The following SYNE1 variants were observed in gnomAD, a reference collection of about 807,000 sequenced individuals.
SYNE1 encodes nesprin-1.
A neutral mutation model predicts 1,111.0 loss-of-function variants in SYNE1; 616 were observed. The ratio of observed to expected loss-of-function variants is 0.55; its 90% confidence interval spans 0.52 to 0.59. The LOEUF is 0.59. Among genes scored for constraint, SYNE1 ranks in the 20% least tolerant of loss-of-function variants. The pLI, the probability that SYNE1 is intolerant of heterozygous loss-of-function variation, is 0.00. For synonymous variants in SYNE1, 3,855 were observed against 3,825.8 expected (o/e 1.01, Z -0.28); for missense variants, 10,006 against 10,417.0 (o/e 0.96, Z 1.72).
rs772333606 is a variant in SYNE1, at chr6:152,326,420, C to T, written c.15169G>A (p.Ala5057Thr). ...SNLEELHSLV[A>T]TLDPLIKPTG... ...GGCTTGATGAGTGGGTCCAGGGTGGCTACCAGGCTGTGGAGCTCCTCCAGG... is the reference window on the plus strand; with the variant it reads ...GGCTTGATGAGTGGGTCCAGGGTGGTTACCAGGCTGTGGAGCTCCTCCAGG... The change falls in exon 79 of 146, where the codon GCC (alanine) becomes ACC (threonine). Residue 5057 changes from alanine (A) to threonine (T), a missense_variant. Ala to Thr is a moderately conservative substitution (Grantham distance 58). Around this residue, in one of 7 missense-constraint regions of SYNE1, gnomAD observed 4,955 missense variants for 5,017.2 expected, o/e 0.99. Coordinates refer to ENST00000367255, the MANE Select transcript of SYNE1 (RefSeq NM_182961.4). 3.1e-6 allele frequency: 5 copies of T among 1,614,058 alleles called. No homozygotes were observed. In the Admixed American group the frequency reaches 8.3e-5, roughly 27 times the overall value.
chr6:152,221,649 T>C, intron 117 of SYNE1, 90 bp from the exon 118 acceptor site: 1 of 1,514,474 alleles, frequency 6.6e-7, no homozygotes, highest in Non-Finnish European at 9.1e-7. Context: ...TTTTCATAAA[T>C]ATGTACATAT....
At chr6:152,547,469 T>C (rs73782883) in intron 3 of SYNE1, among the ~76,000 whole-genome samples, 8,098 of 152,252 alleles carry the variant, frequency 0.053, 701 homozygotes, top group African/African-American at 0.18. Context: ...GCTAGGGAGA[T>C]TTCCTTGCAG....
chr6:152,370,978 G>C (rs1397637966), intron 59 of SYNE1, among the ~76,000 whole-genome samples: 1 of 152,122 alleles, frequency 6.6e-6, no homozygotes, highest in East Asian at 1.9e-4. Flanking sequence ...CCAAAATTTA[G>C]GTTGCATGAA....
chr6:152,403,222 C>T (rs2097848063), intron 46 of SYNE1, among the ~76,000 whole-genome samples: 1 of 152,168 alleles, frequency 6.6e-6, no homozygotes, highest in Admixed American at 6.5e-5. Context: ...AAGAGACCCA[C>T]CATGCTGGAT....
Position 152,350,766 on chromosome 6 carries a change from A to G in SYNE1, c.11585T>C (p.Leu3862Pro). Residue 3862 changes from leucine (L) to proline (P), a missense_variant, in exon 71 of 146, where the codon CTT becomes CCT. By Grantham distance (98) the Leu-to-Pro change is moderately conservative. Transcript: ENST00000367255. ...KKAQLSKYKS[L>P]QQTVLSHEPS... ...TTCATGGGACAGCACCGTTTGTTGA[A>G]GTGACTTGAATTACAAAGAAAAAAA... The G allele has an allele frequency of 6.3e-7, 1 of 1,594,514 alleles. No homozygotes were observed. Among genetic ancestry groups the G allele is most frequent in the Non-Finnish European group, 8.5e-7 (1 of 1,172,688 alleles).
At chr6:152,398,411 A>G (rs1271744449) in intron 49 of SYNE1, among the ~76,000 whole-genome samples, 2 of 152,202 alleles carry the variant, frequency 1.3e-5, no homozygotes, top group East Asian at 1.9e-4. Context: ...AAAAGAGAGG[A>G]AAGGGATCTG....
intron 76 of SYNE1, among the ~76,000 whole-genome samples, chr6:152,334,530 A>C (rs757471949): frequency 5.3e-5 from 8 of 152,234 alleles, no homozygotes; most frequent in Non-Finnish European, 1.2e-4. Flanking sequence ...CAAGAGGCAT[A>C]AAGAAAAACT....
At chr6:152,251,879 C>T (rs757330095) in intron 104 of SYNE1, among the ~76,000 whole-genome samples, 1 of 942 alleles carries the variant, frequency 1.1e-3, no homozygotes, top group South Asian at 0.25. Flanking sequence ...AAATACATCA[C>T]TTTTTTTTTC....
chr6:152,265,005 T>C (rs1173509594), intron 100 of SYNE1, among the ~76,000 whole-genome samples: 3 of 151,876 alleles, frequency 2.0e-5, no homozygotes, highest in African/African-American at 7.3e-5. Context: ...GGTCCGGAGT[T>C]CAAGACCAGC....
At chr6:152,166,853 A>G (rs560672585) in intron 130 of SYNE1, among the ~76,000 whole-genome samples, 1 of 152,354 alleles carries the variant, frequency 6.6e-6, no homozygotes, top group African/African-American at 2.4e-5. Flanking sequence ...AGTAGGATTA[A>G]TAAGCCTTGG....
At chr6:152,513,028 A>G (rs1202572202) in intron 6 of SYNE1, among the ~76,000 whole-genome samples, 2 of 152,186 alleles carry the variant, frequency 1.3e-5, no homozygotes, top group African/African-American at 4.8e-5. Context: ...CTTGTTAGAG[A>G]TATAGAATCT....
intron 127 of SYNE1, among the ~76,000 whole-genome samples, chr6:152,194,012 A>C (rs1587470532): frequency 1.7e-4 from 3 of 17,492 alleles, no homozygotes; most frequent in Non-Finnish European, 3.7e-4. Flanking sequence ...GACTGTCTCG[A>C]AAAAAAAAAA....
intron 41 of SYNE1, among the ~76,000 whole-genome samples, chr6:152,415,418 A>G (rs923160785): frequency 2.0e-5 from 3 of 151,728 alleles, no homozygotes; most frequent in African/African-American, 7.3e-5. Flanking sequence ...ACAGAGCTCA[A>G]ATGACAGTTC....
chr6:152,471,680 C>T lies in SYNE1; in HGVS notation c.1549G>A (p.Val517Ile). ...ELKYRLLSLL[V>I]LAESKLKSWI... ...GACTTCAGCTTTGACTCTGCAAGAA[C>T]CAGCAGTGAGAGCAGACGGTACTTT... Residue 517 changes from valine to isoleucine, a missense_variant, in exon 16 of 146, where the codon GTT (valine) becomes ATT (isoleucine). By Grantham distance (29) the Val-to-Ile change is conservative. Around this residue, in one of 7 missense-constraint regions of SYNE1, gnomAD observed 1,971 missense variants for 2,084.1 expected, o/e 0.95. Coordinates refer to ENST00000367255, the MANE Select transcript of SYNE1 (RefSeq NM_182961.4). The T allele has an allele frequency of 6.2e-7, 1 of 1,613,988 alleles. No homozygotes were observed. The highest frequency in any genetic ancestry group is 8.5e-7 in the Non-Finnish European group (1 of 1,179,900).
rs537051821 is a variant in SYNE1, at chr6:152,353,890, T to G, written c.10927-146A>C. On this transcript the variant is annotated intron_variant, in intron 67 of 145. Coordinates refer to ENST00000367255, the MANE Select transcript of SYNE1 (RefSeq NM_182961.4). Reference sequence around the variant, plus strand: ...AATTTTGAAAATGCCATATGTTATCTTCATAAATATTATATTACAACAATG... The same window carrying G: ...AATTTTGAAAATGCCATATGTTATCGTCATAAATATTATATTACAACAATG... 8 of 972,500 alleles carry G rather than the reference T, an allele frequency of 8.2e-6. No homozygotes were observed. In the African/African-American group the frequency reaches 9.7e-5, roughly 12 times the overall value. The allele number at this position is 972,500 out of a possible 1,614,324, so 60.2% of individuals were successfully genotyped here.
intron 96 of SYNE1, 125 bp from the exon 97 acceptor site, chr6:152,282,105 T>C: frequency 9.9e-7 from 1 of 1,007,116 alleles, no homozygotes; most frequent in South Asian, 1.4e-5. Context: ...TTTTAAAAAT[T>C]TCCTTTGCTT....
At chr6:152,456,490 CTA>C (rs139681123) in intron 22 of SYNE1, among the ~76,000 whole-genome samples, 36 of 147,990 alleles carry the variant, frequency 2.4e-4, no homozygotes, top group South Asian at 4.3e-4. Flanking sequence ...AAGAGATGCA[CTA>C]TATATATATA....
At chr6:152,498,500 A>T (rs2099011526) in intron 11 of SYNE1, among the ~76,000 whole-genome samples, 1 of 152,232 alleles carries the variant, frequency 6.6e-6, no homozygotes, top group African/African-American at 2.4e-5. Flanking sequence ...ATTAATTGAT[A>T]GATACCATTT....
At chr6:152,604,984 GAAAGAAAGAAAGAAAGAAAGAA>G (rs1261685232) in intron 3 of SYNE1, among the ~76,000 whole-genome samples, 273 of 22,136 alleles carry the variant, frequency 0.012, 4 homozygotes, top group South Asian at 0.031. Context: ...AAGAAAGAAA[GAAAGAAAGAAAGAAAGAAAGAA>G]AGAGAGAGAG....
Sources: gnomAD v4.1 joint callset for allele counts (sites outside exome capture counted in the v4.1 genomes callset) on GRCh38, gnomAD v4.1.1 for gene constraint, gnomAD v4.1.1 regional missense constraint, MANE v1.5 for transcripts, NCBI Gene and HGNC (gene_info 2026-07-23, HGNC 2026-07-21) for gene names.